Variants in LRRC37A2 observed in about 807,000 individuals in gnomAD.
The protein encoded by LRRC37A2 is leucine-rich repeat-containing protein 37A2.
A neutral mutation model predicts 68.8 loss-of-function variants in LRRC37A2; 9 were observed. That is an observed-to-expected ratio of 0.13 (90% CI 0.08 to 0.23). The LOEUF (loss-of-function observed/expected upper bound fraction) is 0.23, where lower values mean the gene tolerates loss of function less well. Ranked by LOEUF, LRRC37A2 falls within the 10% of genes least tolerant of loss-of-function variation. The pLI, the probability that LRRC37A2 is intolerant of heterozygous loss-of-function variation, is 1.00. For synonymous variants in LRRC37A2, 63 were observed against 367.6 expected, an observed-to-expected ratio of 0.17 and a Z score of 9.48; for missense variants, 168 against 950.4, an observed-to-expected ratio of 0.18 and a Z score of 10.82.
At chr17:47,014,403 A>G in the LRRC37A2 span, among the ~76,000 whole-genome samples, 1 of 151,920 alleles carries the variant, frequency 6.6e-6, no homozygotes, top group Non-Finnish European at 1.5e-5. Context: ...AAAAAAAAAA[A>G]AAAAAGAAAA....
chr17:47,022,196 G>GTTTTTTTTTT, the LRRC37A2 span, among the ~76,000 whole-genome samples: 2 of 19,254 alleles, frequency 1.0e-4, no homozygotes, highest in African/African-American at 2.0e-4. Context: ...CCAGAGACAG[G>GTTTTTTTTTT]TTCTTACTTT....
At chr17:46,709,532 T>G in the LRRC37A2 span, among the ~76,000 whole-genome samples, 8 of 151,702 alleles carry the variant, frequency 5.3e-5, no homozygotes, top group Non-Finnish European at 5.9e-5. Context: ...TCTTGCTGTG[T>G]CTCCCAGGCT....
At chr17:46,519,255 G>C (rs1204033391) in intron 3 of LRRC37A2, among the ~76,000 whole-genome samples, 1 of 149,952 alleles carries the variant, frequency 6.7e-6, no homozygotes, top group Non-Finnish European at 1.5e-5. Context: ...TGGAATTACA[G>C]GTGCCCTCCA....
At chr17:46,583,322 G>A in the LRRC37A2 span, among the ~76,000 whole-genome samples, 1 of 77,110 alleles carries the variant, frequency 1.3e-5, no homozygotes, top group East Asian at 2.4e-4. Context: ...TTGAGACAGA[G>A]TCTTGCTCTG....
chr17:46,768,663 G>C, the LRRC37A2 span: 1 of 1,614,152 alleles, frequency 6.2e-7, no homozygotes, highest in Non-Finnish European at 8.5e-7. The surrounding 1 kb of genome is among the most constrained non-coding windows in gnomAD (Gnocchi z 5.0). Flanking sequence ...TACCATCTCC[G>C]AGGCGCTGTC....
the LRRC37A2 span, among the ~76,000 whole-genome samples, chr17:46,783,485 CCCAG>C: frequency 6.6e-6 from 1 of 152,210 alleles, no homozygotes; most frequent in Non-Finnish European, 1.5e-5. Context: ...CTGAGGAGCA[CCCAG>C]CCCAGGAGGC....
At chr17:46,939,207 A>G in the LRRC37A2 span, 2 of 1,078,186 alleles carry the variant, frequency 1.9e-6, no homozygotes, top group South Asian at 2.9e-5. Context: ...GCCTTTTCTC[A>G]CAGCCATTAT....
the LRRC37A2 span, among the ~76,000 whole-genome samples, chr17:47,008,463 A>AT: frequency 0.22 from 28,941 of 134,208 alleles, 3,463 homozygotes; most frequent in East Asian, 0.56. Context: ...ATAGATACTT[A>AT]TTTTTTTTTT....
At chr17:46,792,894 G>C in the LRRC37A2 span, among the ~76,000 whole-genome samples, 1 of 152,068 alleles carries the variant, frequency 6.6e-6, no homozygotes, top group East Asian at 1.9e-4. Flanking sequence ...TTTAACGGAT[G>C]ATGACATGGG....
the LRRC37A2 span, among the ~76,000 whole-genome samples, chr17:46,746,686 C>T: frequency 6.6e-6 from 1 of 152,102 alleles, no homozygotes; most frequent in South Asian, 2.1e-4. Context: ...TAAAGACAGG[C>T]AGTATATGAT....
chr17:46,931,541 C>T, the LRRC37A2 span: 1 of 383,846 alleles, frequency 2.6e-6, no homozygotes, highest in Admixed American at 4.4e-5. Flanking sequence ...TTGGTTCCTG[C>T]TGGGTTCTTC....
chr17:46,898,186 G>A, the LRRC37A2 span, among the ~76,000 whole-genome samples: 207 of 152,192 alleles, frequency 1.4e-3, 4 homozygotes, highest in Admixed American at 0.014. Flanking sequence ...AGGCACTACC[G>A]TGACCTTGCT....
chr17:46,824,544 C>G, the LRRC37A2 span, among the ~76,000 whole-genome samples: 1 of 152,218 alleles, frequency 6.6e-6, no homozygotes, highest in Non-Finnish European at 1.5e-5. Flanking sequence ...CCCCCATGCC[C>G]GGCTGATTAT....
chr17:46,859,115 T>A, the LRRC37A2 span, among the ~76,000 whole-genome samples: 1 of 151,864 alleles, frequency 6.6e-6, no homozygotes, highest in African/African-American at 2.4e-5. Flanking sequence ...TAGCTGGAAG[T>A]ACAGATGCCC....
exon 10 of LRRC37A2, chr17:46,548,937 A>T: frequency 6.2e-7 from 1 of 1,612,526 alleles, no homozygotes; most frequent in Non-Finnish European, 8.5e-7. Flanking sequence ...AAGCCCTACC[A>T]CAGGTGAGAG....
the LRRC37A2 span, among the ~76,000 whole-genome samples, chr17:46,842,423 G>A: frequency 6.6e-6 from 1 of 152,176 alleles, no homozygotes; most frequent in Non-Finnish European, 1.5e-5. Context: ...CGCCCAGGCT[G>A]GAGTGCAGTG....
chr17:46,693,061 A>G, the LRRC37A2 span: 1 of 1,611,090 alleles, frequency 6.2e-7, no homozygotes, highest in South Asian at 1.1e-5. Flanking sequence ...ACAACATCCT[A>G]GTCATTGGTA....
At chr17:46,816,085 A>G in the LRRC37A2 span, among the ~76,000 whole-genome samples, 1 of 146,676 alleles carries the variant, frequency 6.8e-6, no homozygotes, top group Non-Finnish European at 1.5e-5. Context: ...CTTTCCCCAC[A>G]CTGTCATGAA....
the LRRC37A2 span, chr17:47,027,417 G>C: frequency 1.9e-6 from 1 of 527,076 alleles, no homozygotes; most frequent in South Asian, 2.1e-5. Flanking sequence ...AGGGGCTCTG[G>C]AAAGTTCAAA....
Sources: gnomAD v4.1 joint callset for allele counts (sites outside exome capture counted in the v4.1 genomes callset) on GRCh38, gnomAD v4.1.1 for gene constraint, Gnocchi (gnomAD v3.1) non-coding constraint, MANE v1.5 for transcripts, NCBI Gene and HGNC (gene_info 2026-07-23, HGNC 2026-07-21) for gene names.